TLCD4: variants seen among roughly 807,000 people sequenced by gnomAD.
The protein encoded by TLCD4 is TLC domain-containing protein 4.
TLCD4 carries 7 observed loss-of-function variants against 24.2 expected under a neutral mutation model. The ratio of observed to expected loss-of-function variants is 0.29; its 90% CI spans 0.16 to 0.54. TLCD4 has a LOEUF of 0.54. Among genes scored for constraint, TLCD4 ranks in the 20% least tolerant of loss-of-function variants. The probability of loss-of-function intolerance (pLI) is 0.95; values close to 1 mark genes in which losing one functional copy is unlikely to be tolerated. For synonymous variants in TLCD4, 103 were observed against 106.4 expected (o/e 0.97, Z 0.20); for missense variants, 259 against 313.9 (o/e 0.82, Z 1.32).
chr1:95,115,123 T>G (rs1247004450), upstream of TLCD4, among the ~76,000 whole-genome samples: 1 of 148,768 alleles, frequency 6.7e-6, no homozygotes, highest in Non-Finnish European at 1.5e-5. Flanking sequence ...ATGTTTGTTT[T>G]TGAGACAGAG....
At chr1:95,190,480 C>T (rs548591388) in intron 6 of TLCD4, among the ~76,000 whole-genome samples, 7 of 152,276 alleles carry the variant, frequency 4.6e-5, no homozygotes, top group South Asian at 2.1e-4. Context: ...AGGTGCCCGC[C>T]GCCATGCCTG....
the TLCD4 span, among the ~76,000 whole-genome samples, chr1:95,102,046 A>G: frequency 6.6e-6 from 1 of 152,250 alleles, no homozygotes; most frequent in African/African-American, 2.4e-5. Flanking sequence ...TTTTGATTTG[A>G]GGTGAAAAGA....
At chr1:95,189,861 T>A (rs1290001453) in intron 6 of TLCD4, among the ~76,000 whole-genome samples, 2 of 152,198 alleles carry the variant, frequency 1.3e-5, no homozygotes, top group Non-Finnish European at 2.9e-5. Flanking sequence ...CATTTTTTAA[T>A]CAGTTGGAAA....
At chr1:95,147,201 G>C (rs1677378408) in intron 2 of TLCD4, among the ~76,000 whole-genome samples, 2 of 151,802 alleles carry the variant, frequency 1.3e-5, no homozygotes, top group Non-Finnish European at 2.9e-5. Context: ...AGCCTCCCGA[G>C]TAGCTGGGAT....
Position 95,193,844 on chromosome 1 carries a change from G to A in TLCD4, c.*1976G>A, listed in dbSNP as rs989021465. On this transcript the variant is annotated 3_prime_UTR_variant, in exon 7 of 7. Transcript: ENST00000370203. Reference sequence around the variant, plus strand: ...AATATGTACTGGTTAACTAGAGGGGGGTAGGAAAGCAAGCGGTTTTATCTT... The same window carrying A: ...AATATGTACTGGTTAACTAGAGGGGAGTAGGAAAGCAAGCGGTTTTATCTT... 6 of 152,010 alleles carry A rather than the reference G, an allele frequency of 3.9e-5. No individual in the cohort carries two copies. The highest frequency in any genetic ancestry group is 1.4e-4 in the African/African-American group (6 of 41,408). 9.4% of individuals were successfully genotyped at this position (152,010 alleles called of 1,614,324 possible).
chr1:95,186,333 G>A (rs1234010080), intron 6 of TLCD4, among the ~76,000 whole-genome samples: 1 of 152,218 alleles, frequency 6.6e-6, no homozygotes, highest in Non-Finnish European at 1.5e-5. Flanking sequence ...ACGTCATTCT[G>A]TATTGCCTAA....
chr1:95,162,850 A>G (rs1414107817), intron 5 of TLCD4, among the ~76,000 whole-genome samples: 1 of 152,218 alleles, frequency 6.6e-6, no homozygotes, highest in Non-Finnish European at 1.5e-5. Flanking sequence ...TCTGGCTTGT[A>G]GAGTTTCTGC....
intron 6 of TLCD4, among the ~76,000 whole-genome samples, chr1:95,183,703 G>T (rs1678727486): frequency 6.6e-6 from 1 of 151,966 alleles, no homozygotes; most frequent in Non-Finnish European, 1.5e-5. Context: ...AATTAGCTGG[G>T]TGTGGTGGCG....
At chr1:95,170,269 C>T (rs1480700864) in intron 5 of TLCD4, among the ~76,000 whole-genome samples, 1 of 150,362 alleles carries the variant, frequency 6.7e-6, no homozygotes, top group Non-Finnish European at 1.5e-5. Flanking sequence ...TTTTTTAATG[C>T]TTCATGTTTA....
intron 6 of TLCD4, among the ~76,000 whole-genome samples, chr1:95,191,196 A>G (rs2101028598): frequency 6.6e-6 from 1 of 152,260 alleles, no homozygotes; most frequent in Non-Finnish European, 1.5e-5. Flanking sequence ...GTTGATATAC[A>G]ATTTTGCACA....
In TLCD4 at chr1:95,194,529, T is replaced by A. The variant is rs1437127405; in HGVS notation, c.*2661T>A. ...CTACACGGATTAATTTAAATGATTC[T>A]ATCAGGCATTCTGATATTTAACAAC... is the stretch of plus-strand genomic sequence containing the variant. On this transcript the variant is annotated 3_prime_UTR_variant, in exon 7 of 7. Coordinates refer to ENST00000370203, the MANE Select transcript of TLCD4 (RefSeq NM_152487.3). 6.6e-6 allele frequency: 1 copy of A among 152,198 alleles called. No individual in the cohort carries two copies. The highest frequency in any genetic ancestry group is 1.5e-5 in the Non-Finnish European group (1 of 68,008). 9.4% of individuals were successfully genotyped at this position (152,198 alleles called of 1,614,324 possible).
intron 5 of TLCD4, among the ~76,000 whole-genome samples, chr1:95,153,872 G>T (rs901152467): frequency 6.6e-6 from 1 of 152,140 alleles, no homozygotes; most frequent in Non-Finnish European, 1.5e-5. Flanking sequence ...AGTGGAAGGG[G>T]GAGTAGACTT....
At chr1:95,190,411 A>G (rs1319851515) in intron 6 of TLCD4, among the ~76,000 whole-genome samples, 2 of 150,070 alleles carry the variant, frequency 1.3e-5, no homozygotes, top group East Asian at 2.0e-4. Flanking sequence ...GCTCATTGCA[A>G]CCTCTGCCTC....
chr1:95,101,857 G>A, the TLCD4 span, among the ~76,000 whole-genome samples: 1 of 152,232 alleles, frequency 6.6e-6, no homozygotes, highest in Non-Finnish European at 1.5e-5. Flanking sequence ...AAAAGACAGT[G>A]TGTGTGTTGG....
chr1:95,145,015 T>C (rs1181285098), intron 2 of TLCD4, among the ~76,000 whole-genome samples: 1 of 152,182 alleles, frequency 6.6e-6, no homozygotes, highest in Non-Finnish European at 1.5e-5. Flanking sequence ...TTGGTTGCAA[T>C]TTTTTTGTGT....
intron 5 of TLCD4, among the ~76,000 whole-genome samples, chr1:95,169,585 A>C (rs1181774186): frequency 2.0e-5 from 3 of 152,222 alleles, no homozygotes; most frequent in African/African-American, 7.2e-5. Context: ...AGTTGGAAAA[A>C]GTAATCTTTT....
At chr1:95,164,851 T>G (rs1677958640) in intron 5 of TLCD4, 2 of 152,252 alleles carry the variant, frequency 1.3e-5, no homozygotes, top group African/African-American at 4.8e-5. Flanking sequence ...TGTATTAAAA[T>G]AGTTGATTGC....
intron 1 of TLCD4, among the ~76,000 whole-genome samples, chr1:95,137,359 C>G (rs979053621): frequency 4.6e-5 from 7 of 152,122 alleles, no homozygotes; most frequent in Non-Finnish European, 7.4e-5. Flanking sequence ...TAAAGACAAA[C>G]ACACAGACCC....
Position 95,170,321 on chromosome 1 carries a change from C to G in TLCD4, c.400-3495C>G, listed in dbSNP as rs555203162. Among the ~76,000 whole-genome samples the G allele has an allele frequency of 7.7e-4, 111 of 143,240 alleles. 1 individual carries two copies. Among genetic ancestry groups the G allele is most frequent in the Non-Finnish European group, 1.5e-3 (101 of 65,954 alleles). The allele number at this position is 143,240 out of a possible 152,430, so 94.0% of individuals were successfully genotyped here. A position where few individuals can be genotyped will look rare whatever the true frequency, so the allele number is the denominator to read the frequency against. On this transcript the variant is annotated intron_variant, in intron 5 of 6. Transcript: ENST00000370203. The stretch of plus-strand genomic sequence containing the variant: ...GTCTTAGTGAGGGGTTATAATAATA[C>G]AAATCATTCTTTTTTTTTTTTTTTT...
Sources: gnomAD v4.1 joint callset for allele counts (sites outside exome capture counted in the v4.1 genomes callset) on GRCh38, gnomAD v4.1.1 for gene constraint, MANE v1.5 for transcripts, NCBI Gene and HGNC (gene_info 2026-07-23, HGNC 2026-07-21) for gene names.